KCNA5: variants seen among roughly 807,000 people sequenced by gnomAD.
KCNA5 encodes cardiac potassium channel.
In KCNA5, 22 loss-of-function variants were observed where a neutral mutation model predicts 26.5. The ratio of observed to expected loss-of-function variants is 0.83; its 90% confidence interval spans 0.59 to 1.18. KCNA5 has a LOEUF of 1.18. Among genes scored for constraint, KCNA5 ranks in the 50% most tolerant of loss-of-function variants. KCNA5 has a pLI of 0.00. For synonymous variants in KCNA5, 465 were observed against 372.8 expected (o/e 1.25, Z -2.85); for missense variants, 916 against 843.2 (o/e 1.09, Z -1.07).
chr12:5,045,580 T>A lies in KCNA5; in HGVS notation c.1433T>A (p.Met478Lys). 1 of 1,614,196 alleles carries A rather than the reference T, an allele frequency of 6.2e-7. No homozygotes were observed. The highest frequency in any genetic ancestry group is 8.5e-7 in the Non-Finnish European group (1 of 1,180,032). The change falls in exon 1 of 1, where the codon ATG becomes AAG. Residue 478 changes from methionine to lysine, a missense_variant. Coordinates refer to ENST00000252321, the MANE Select transcript of KCNA5 (RefSeq NM_002234.4). This position sits in a 1 kb window ranked among gnomAD's most constrained non-coding sequence, Gnocchi z 5.6. ...GCCTTCTGGTGGGCAGTGGTCACCA[T>A]GACCACTGTGGGCTACGGGGACATG... ...PDAFWWAVVT[M>K]TTVGYGDMRP...
rs144246051 is a variant in KCNA5, at chr12:5,045,007, C to T, written c.860C>T (p.Ala287Val). 183 of 1,612,724 alleles carry T rather than the reference C, an allele frequency of 1.1e-4. No homozygotes were observed. In the African/African-American group the frequency reaches 2.2e-3, roughly 20 times the overall value. ...DERELLRHPPAPHQPPAPAPG... is the reference protein window; with the variant it reads ...DERELLRHPPVPHQPPAPAPG... Reference sequence around the variant, plus strand: ...CGTGAGCTGCTCCGCCACCCTCCGGCGCCCCACCAGCCTCCCGCGCCCGCC... The same window carrying T: ...CGTGAGCTGCTCCGCCACCCTCCGGTGCCCCACCAGCCTCCCGCGCCCGCC... The change falls in exon 1 of 1, where the codon GCG (alanine) becomes GTG (valine). Residue 287 changes from alanine to valine, a missense_variant. By Grantham distance (64) the Ala-to-Val change is moderately conservative (BLOSUM62 0). Transcript: ENST00000252321. This position sits in a 1 kb window ranked among gnomAD's most constrained non-coding sequence, Gnocchi z 5.6.
At position 5,045,881 on chromosome 12, in the gene KCNA5, G is replaced by A; in HGVS notation, c.1734G>A (p.Arg578=). 3 of 1,614,134 alleles carry A rather than the reference G, an allele frequency of 1.9e-6. No homozygotes were observed. Among genetic ancestry groups the A allele is most frequent in the Non-Finnish European group, 2.5e-6 (3 of 1,180,032 alleles). Residue 578 remains arginine, a synonymous_variant, in exon 1 of 1, where the codon AGG becomes AGA. Coordinates refer to ENST00000252321, the MANE Select transcript of KCNA5 (RefSeq NM_002234.4). The surrounding 1 kb of genome is among the most constrained non-coding windows in gnomAD (Gnocchi z 5.6). ...GTLENADSAR[R]GSCPLEKCNV... is the part of the protein sequence containing the mutation. ...TGGAGAATGCAGACAGTGCCCGAAG[G>A]GGCAGCTGCCCCCTAGAGAAGTGTA...
rs1862750390 is a variant in KCNA5 at position 5,044,658 on chromosome 12, A to G, written c.511A>G (p.Ser171Gly). The G allele has an allele frequency of 6.2e-7, 1 of 1,614,034 alleles. No individual in the cohort carries two copies. Among genetic ancestry groups the G allele is most frequent in the African/African-American group, 1.3e-5 (1 of 74,940 alleles). ...GTACTTCTTCGACCGCAACCGGCCC[A>G]GCTTCGACGGTATCCTCTACTACTA... is the stretch of plus-strand genomic sequence containing the variant. ...NEYFFDRNRPSFDGILYYYQS... is the reference protein window; with the variant it reads ...NEYFFDRNRPGFDGILYYYQS... The change falls in exon 1 of 1, where the codon AGC becomes GGC. Residue 171 changes from serine to glycine, a missense_variant. Transcript: ENST00000252321.
In KCNA5 at chr12:5,044,716, A is replaced by C. The variant is rs200279465; in HGVS notation, c.569A>C (p.Asn190Thr). The C allele has an allele frequency of 6.2e-7, 1 of 1,614,130 alleles. No individual in the cohort carries two copies. The highest frequency in any genetic ancestry group is 2.2e-5 in the East Asian group (1 of 44,838). The change falls in exon 1 of 1, where the codon AAC becomes ACC. Residue 190 changes from asparagine (N) to threonine (T), a missense_variant. By Grantham distance (65) the Asn-to-Thr change is moderately conservative. Coordinates refer to ENST00000252321, the MANE Select transcript of KCNA5 (RefSeq NM_002234.4). ...QSGGRLRRPV[N>T]VSLDVFADEI... ...GGGGGCCGCCTGCGGAGGCCGGTCA[A>C]CGTCTCCCTGGACGTGTTCGCGGAC... is the stretch of plus-strand genomic sequence containing the variant.
At position 5,044,376 on chromosome 12, in the gene KCNA5, C is replaced by G. The variant is rs202083721; in HGVS notation, c.229C>G (p.Pro77Ala). 6.4e-6 allele frequency: 10 copies of G among 1,565,982 alleles called. No homozygotes were observed. The East Asian group carries it at 2.3e-4, about 36-fold the overall frequency. ...TCCGCTGCCGGACCCGGGAGTGCGG[C>G]CCTTGCCTCCGCTGCCAGAGGAGCT... Reference protein sequence around the residue: ...LPPLPDPGVRPLPPLPEELPR... With the variant: ...LPPLPDPGVRALPPLPEELPR... Residue 77 changes from proline to alanine, a missense_variant, in exon 1 of 1, where the codon CCC becomes GCC. Physicochemically the swap from Pro to Ala is conservative, Grantham distance 27. Coordinates refer to ENST00000252321, the MANE Select transcript of KCNA5 (RefSeq NM_002234.4).
Position 5,044,741 on chromosome 12 carries a change from C to T in KCNA5, c.594C>T (p.Asp198=), listed in dbSNP as rs1245288959. The change falls in exon 1 of 1, where the codon GAC becomes GAT. Residue 198 remains aspartate, a synonymous_variant. Coordinates refer to ENST00000252321, the MANE Select transcript of KCNA5 (RefSeq NM_002234.4). ...PVNVSLDVFA[D]EIRFYQLGDE... is the part of the protein sequence containing the mutation. ...ACGTCTCCCTGGACGTGTTCGCGGA[C>T]GAGATACGCTTCTACCAGCTGGGGG... 1 of 1,614,118 alleles carries T rather than the reference C, an allele frequency of 6.2e-7. No individual in the cohort carries two copies. Among genetic ancestry groups the T allele is most frequent in the Non-Finnish European group, 8.5e-7 (1 of 1,180,036 alleles).
In KCNA5 at chr12:5,045,821, G is replaced by C; in HGVS notation, c.1674G>C (p.Gly558=). The change falls in exon 1 of 1, where the codon GGG becomes GGC. Residue 558 remains glycine, a synonymous_variant. Coordinates refer to ENST00000252321, the MANE Select transcript of KCNA5 (RefSeq NM_002234.4). This position sits in a 1 kb window ranked among gnomAD's most constrained non-coding sequence, Gnocchi z 5.6. ...GAGGAGTCCAGCGGAAGGTCAGCGG[G>C]AGCAGGGGATCCTTCTGCAAGGCTG... is the stretch of plus-strand genomic sequence containing the variant. ...LDRGVQRKVS[G]SRGSFCKAGG... is the part of the protein sequence containing the mutation. The C allele has an allele frequency of 1.9e-6, 3 of 1,614,126 alleles. No individual in the cohort carries two copies. The highest frequency in any genetic ancestry group is 2.5e-6 in the Non-Finnish European group (3 of 1,179,986).
chr12:5,045,483 A>C lies in KCNA5; in HGVS notation c.1336A>C (p.Ile446Leu), dbSNP rs1262914948. 2 of 1,614,220 alleles carry C rather than the reference A, an allele frequency of 1.2e-6. No individual in the cohort carries two copies. Among genetic ancestry groups the C allele is most frequent in the Non-Finnish European group, 8.5e-7 (1 of 1,180,038 alleles). ...LLIFFLFIGVILFSSAVYFAE... is the reference protein window; with the variant it reads ...LLIFFLFIGVLLFSSAVYFAE... ...CATCTTCTTCCTCTTCATCGGGGTC[A>C]TCCTCTTCTCCAGTGCCGTCTACTT... is the stretch of plus-strand genomic sequence containing the variant. Residue 446 changes from isoleucine (I) to leucine (L), a missense_variant, in exon 1 of 1, where the codon ATC becomes CTC. Physicochemically the swap from Ile to Leu is conservative, Grantham distance 5. Transcript: ENST00000252321. This position sits in a 1 kb window ranked among gnomAD's most constrained non-coding sequence, Gnocchi z 5.6.
chr12:5,044,166 C>G lies in KCNA5; in HGVS notation c.19C>G (p.Pro7Ala). The change falls in exon 1 of 1, where the codon CCC (proline) becomes GCC (alanine). Residue 7 changes from proline (P) to alanine (A), a missense_variant. Pro to Ala is a conservative substitution (Grantham distance 27, BLOSUM62 -1). Coordinates refer to ENST00000252321, the MANE Select transcript of KCNA5 (RefSeq NM_002234.4). The stretch of plus-strand genomic sequence containing the variant: ...CCGCGCCATGGAGATCGCCCTGGTG[C>G]CCCTGGAGAACGGCGGTGCCATGAC... MEIALVPLENGGAMTVR... is the reference protein window; with the variant it reads MEIALVALENGGAMTVR... The G allele has an allele frequency of 6.5e-7, 1 of 1,536,248 alleles. No homozygotes were observed. Among genetic ancestry groups the G allele is most frequent in the Non-Finnish European group, 8.7e-7 (1 of 1,146,682 alleles).
rs759067893 is a variant in KCNA5, at chr12:5,044,954, G to A, written c.807G>A (p.Leu269=). ...TCATCTCCATCATCACCTTCTGCTT[G>A]GAGACCCTGCCTGAGTTCAGGGATG... is the stretch of plus-strand genomic sequence containing the variant. ...VILISIITFC[L]ETLPEFRDER... is the part of the protein sequence containing the mutation. Residue 269 remains leucine (L), a synonymous_variant, in exon 1 of 1, where the codon TTG becomes TTA. Transcript: ENST00000252321. The A allele has an allele frequency of 1.8e-5, 29 of 1,613,396 alleles. No individual in the cohort carries two copies. Among genetic ancestry groups the A allele is most frequent in the Non-Finnish European group, 2.5e-5 (29 of 1,179,968 alleles).
In KCNA5 at chr12:5,045,909, G is replaced by C. The variant is rs779699586; in HGVS notation, c.1762G>C (p.Val588Leu). The C allele has an allele frequency of 6.2e-7, 1 of 1,614,014 alleles. No homozygotes were observed. The highest frequency in any genetic ancestry group is 1.7e-5 in the Admixed American group (1 of 60,032). The change falls in exon 1 of 1, where the codon GTC (valine) becomes CTC (leucine). Residue 588 changes from valine (V) to leucine (L), a missense_variant. Val to Leu is a conservative substitution (Grantham distance 32, BLOSUM62 1). Coordinates refer to ENST00000252321, the MANE Select transcript of KCNA5 (RefSeq NM_002234.4). This position sits in a 1 kb window ranked among gnomAD's most constrained non-coding sequence, Gnocchi z 5.6. ...RGSCPLEKCN[V>L]KAKSNVDLRR... is the part of the protein sequence containing the mutation. ...CAGCTGCCCCCTAGAGAAGTGTAAC[G>C]TCAAGGCCAAGAGCAACGTGGACTT... is the stretch of plus-strand genomic sequence containing the variant.
rs1163003193 is a variant in KCNA5 at position 5,045,324 on chromosome 12, G to A, written c.1177G>A (p.Ala393Thr). The change falls in exon 1 of 1, where the codon GCC becomes ACC. Residue 393 changes from alanine (A) to threonine (T), a missense_variant. Physicochemically the swap from Ala to Thr is moderately conservative, Grantham distance 58. Coordinates refer to ENST00000252321, the MANE Select transcript of KCNA5 (RefSeq NM_002234.4). This position sits in a 1 kb window ranked among gnomAD's most constrained non-coding sequence, Gnocchi z 5.6. ...GGGGGQNGQQ[A>T]MSLAILRVIR... Reference sequence around the variant, plus strand: ...AGGAGGCGGCCAGAATGGGCAGCAGGCCATGTCCCTGGCCATCCTCCGAGT... The same window carrying A: ...AGGAGGCGGCCAGAATGGGCAGCAGACCATGTCCCTGGCCATCCTCCGAGT... The A allele has an allele frequency of 5.0e-6, 8 of 1,614,140 alleles. No homozygotes were observed. The highest frequency in any genetic ancestry group is 6.8e-6 in the Non-Finnish European group (8 of 1,180,012).
Position 5,046,197 on chromosome 12 carries a change from C to T in KCNA5, c.*208C>T, listed in dbSNP as rs924870777. ...AGGGTCGCCTATTTTTAAAAAGTAC[C>T]ACATTCCATGACGCAGGAGCTGTGG... On this transcript the variant is annotated 3_prime_UTR_variant, in exon 1 of 1. Coordinates refer to ENST00000252321, the MANE Select transcript of KCNA5 (RefSeq NM_002234.4). 1 of 668,242 alleles carries T rather than the reference C, an allele frequency of 1.5e-6. No individual in the cohort carries two copies. The highest frequency in any genetic ancestry group is 2.7e-6 in the Non-Finnish European group (1 of 371,622). 41.4% of individuals were successfully genotyped at this position (668,242 alleles called of 1,614,324 possible).
rs1862741927 is a variant in KCNA5 at position 5,044,223 on chromosome 12, T to A, written c.76T>A (p.Cys26Ser). Residue 26 changes from cysteine (C) to serine (S), a missense_variant, in exon 1 of 1, where the codon TGC (cysteine) becomes AGC (serine). By Grantham distance (112) the Cys-to-Ser change is moderately radical (BLOSUM62 -1). Coordinates refer to ENST00000252321, the MANE Select transcript of KCNA5 (RefSeq NM_002234.4). ...VRGGDEARAG[C>S]GQATGGELQC... is the part of the protein sequence containing the mutation. ...AGGAGGCGATGAGGCCCGGGCAGGC[T>A]GCGGCCAGGCCACAGGGGGAGAGCT... 10 of 1,538,038 alleles carry A rather than the reference T, an allele frequency of 6.5e-6. No individual in the cohort carries two copies. Among genetic ancestry groups the A allele is most frequent in the Non-Finnish European group, 8.7e-6 (10 of 1,146,954 alleles).
At position 5,044,509 on chromosome 12, in the gene KCNA5, G is replaced by T; in HGVS notation, c.362G>T (p.Arg121Leu). 6.2e-7 allele frequency: 1 copy of T among 1,613,008 alleles called. No homozygotes were observed. Among genetic ancestry groups the T allele is most frequent in the Non-Finnish European group, 8.5e-7 (1 of 1,179,604 alleles). The change falls in exon 1 of 1, where the codon CGC becomes CTC. Residue 121 changes from arginine to leucine, a missense_variant. Coordinates refer to ENST00000252321, the MANE Select transcript of KCNA5 (RefSeq NM_002234.4). ...ALGTASLHHQ[R>L]VHINISGLRF... Reference sequence around the variant, plus strand: ...GGCACGGCGTCCCTGCACCACCAGCGCGTCCACATCAACATCTCCGGGCTG... The same window carrying T: ...GGCACGGCGTCCCTGCACCACCAGCTCGTCCACATCAACATCTCCGGGCTG...
In KCNA5 at chr12:5,044,925, A is replaced by T. The variant is rs755193604; in HGVS notation, c.778A>T (p.Ile260Phe). ...CATCGCCATCGTCTCGGTCTTGGTT[A>T]TCCTCATCTCCATCATCACCTTCTG... ...RAIAIVSVLV[I>F]LISIITFCLE... The change falls in exon 1 of 1, where the codon ATC (isoleucine) becomes TTC (phenylalanine). Residue 260 changes from isoleucine (I) to phenylalanine (F), a missense_variant. Transcript: ENST00000252321. The T allele has an allele frequency of 5.0e-6, 8 of 1,613,506 alleles. No individual in the cohort carries two copies. The Admixed American group carries it at 6.7e-5, about 13-fold the overall frequency.
chr12:5,045,579 A>G lies in KCNA5; in HGVS notation c.1432A>G (p.Met478Val). 1.9e-6 allele frequency: 3 copies of G among 1,614,216 alleles called. No individual in the cohort carries two copies. The highest frequency in any genetic ancestry group is 8.5e-7 in the Non-Finnish European group (1 of 1,180,036). ...CGCCTTCTGGTGGGCAGTGGTCACC[A>G]TGACCACTGTGGGCTACGGGGACAT... ...PDAFWWAVVT[M>V]TTVGYGDMRP... Residue 478 changes from methionine to valine, a missense_variant, in exon 1 of 1, where the codon ATG becomes GTG. Physicochemically the swap from Met to Val is conservative, Grantham distance 21. Transcript: ENST00000252321. The surrounding 1 kb of genome is among the most constrained non-coding windows in gnomAD (Gnocchi z 5.6).
In KCNA5 at chr12:5,044,975, G is replaced by A. The variant is rs765528663; in HGVS notation, c.828G>A (p.Arg276=). 13 of 1,613,222 alleles carry A rather than the reference G, an allele frequency of 8.1e-6. No individual in the cohort carries two copies. Among genetic ancestry groups the A allele is most frequent in the Admixed American group, 1.7e-5 (1 of 59,980 alleles). The change falls in exon 1 of 1, where the codon AGG becomes AGA. Residue 276 remains arginine, a synonymous_variant. Transcript: ENST00000252321. Reference sequence around the variant, plus strand: ...GCTTGGAGACCCTGCCTGAGTTCAGGGATGAACGTGAGCTGCTCCGCCACC... The same window carrying A: ...GCTTGGAGACCCTGCCTGAGTTCAGAGATGAACGTGAGCTGCTCCGCCACC... The part of the protein sequence containing the change: ...TFCLETLPEF[R]DERELLRHPP...
Position 5,046,014 on chromosome 12 carries a change from C to T in KCNA5, c.*25C>T. 1 of 1,612,924 alleles carries T rather than the reference C, an allele frequency of 6.2e-7. No individual in the cohort carries two copies. Among genetic ancestry groups the T allele is most frequent in the Non-Finnish European group, 8.5e-7 (1 of 1,179,920 alleles). On this transcript the variant is annotated 3_prime_UTR_variant, in exon 1 of 1. Coordinates refer to ENST00000252321, the MANE Select transcript of KCNA5 (RefSeq NM_002234.4). ...AAAGGAGATTCAGGCAGACTGGTGG[C>T]AGTGGAGTAGGGAATGGGAGGCTTG...
Sources: gnomAD v4.1 joint callset for allele counts on GRCh38, gnomAD v4.1.1 for gene constraint, Gnocchi (gnomAD v3.1) non-coding constraint, MANE v1.5 for transcripts, NCBI Gene and HGNC (gene_info 2026-07-23, HGNC 2026-07-21) for gene names.